Variants in TNIP3 observed in about 807,000 individuals in gnomAD.
The protein encoded by TNIP3 is TNFAIP3 interacting protein 3, also known as TNFAIP3-interacting protein 3.
Under a neutral mutation model 54.1 loss-of-function variants are expected in TNIP3, and 34 were observed. That is an observed-to-expected ratio of 0.63 (90% CI 0.48 to 0.84). The LOEUF is 0.84. Ranked by LOEUF, TNIP3 falls within the 40% of genes least tolerant of loss-of-function variation. The pLI is 0.00. For synonymous variants in TNIP3, 134 were observed against 136.8 expected, an observed-to-expected ratio of 0.98 and a Z score of 0.14; for missense variants, 366 against 387.6, an observed-to-expected ratio of 0.94 and a Z score of 0.47.
chr4:121,155,002 TC>T (rs1730000315), intron 4 of TNIP3, among the ~76,000 whole-genome samples: 1 of 151,140 alleles, frequency 6.6e-6, no homozygotes, highest in Non-Finnish European at 1.5e-5. Flanking sequence ...TCACACTGTC[TC>T]CCGGCCTGGA....
chr4:121,202,655 G>T (rs1383141720), intron 2 of TNIP3, among the ~76,000 whole-genome samples: 1 of 151,362 alleles, frequency 6.6e-6, no homozygotes, highest in African/African-American at 2.4e-5. Context: ...CCCAGAGTGG[G>T]AGAAAATCTT....
intron 2 of TNIP3, among the ~76,000 whole-genome samples, chr4:121,204,631 T>G (rs1243197165): frequency 1.3e-5 from 2 of 152,186 alleles, no homozygotes; most frequent in Non-Finnish European, 2.9e-5. Flanking sequence ...TACTTTTTCT[T>G]CTTGATGTCA....
chr4:121,208,374 G>A (rs143333925), intron 2 of TNIP3, among the ~76,000 whole-genome samples: 1 of 152,218 alleles, frequency 6.6e-6, no homozygotes, highest in East Asian at 1.9e-4. Context: ...GTCGGCTGGA[G>A]CCACCCAGAT....
intron 2 of TNIP3, among the ~76,000 whole-genome samples, 153 bp downstream of exon 2, chr4:121,160,983 G>T (rs1730412902): frequency 6.6e-6 from 1 of 152,188 alleles, no homozygotes; most frequent in Non-Finnish European, 1.5e-5. Context: ...GAATAAGAAA[G>T]AAGGCGTTTG....
chr4:121,214,629 C>A (rs979531918), intron 2 of TNIP3, among the ~76,000 whole-genome samples: 1 of 152,058 alleles, frequency 6.6e-6, no homozygotes, highest in Non-Finnish European at 1.5e-5. Flanking sequence ...CTTGTCTACA[C>A]GGTGAAATTT....
intron 6 of TNIP3, among the ~76,000 whole-genome samples, chr4:121,149,639 G>A (rs1367512299): frequency 6.6e-6 from 1 of 152,166 alleles, no homozygotes; most frequent in Non-Finnish European, 1.5e-5. Flanking sequence ...TGTGGTGCAT[G>A]CCTGTAATCC....
chr4:121,151,714 A>G (rs1729771707), intron 5 of TNIP3, among the ~76,000 whole-genome samples: 2 of 152,130 alleles, frequency 1.3e-5, no homozygotes, highest in Non-Finnish European at 2.9e-5. Flanking sequence ...CTACTTTTGT[A>G]GATCTTGTTA....
intron 5 of TNIP3, 26 bp from the exon 6 acceptor site, chr4:121,150,245 T>C: frequency 7.2e-7 from 1 of 1,393,830 alleles, no homozygotes. Context: ...AGTACACTGT[T>C]GATCTAAGAT....
chr4:121,196,806 A>G (rs1472857428), intron 2 of TNIP3, among the ~76,000 whole-genome samples: 1 of 152,082 alleles, frequency 6.6e-6, no homozygotes, highest in African/African-American at 2.4e-5. Flanking sequence ...AAATAAAATT[A>G]TGATAGATTT....
At chr4:121,206,406 T>C (rs1162883237) in intron 2 of TNIP3, among the ~76,000 whole-genome samples, 5 of 152,220 alleles carry the variant, frequency 3.3e-5, no homozygotes, top group Admixed American at 1.3e-4. Flanking sequence ...AATTTGATGA[T>C]AATCAACTTG....
chr4:121,164,623 G>T (rs1407085503), upstream of TNIP3, among the ~76,000 whole-genome samples: 1 of 152,170 alleles, frequency 6.6e-6, no homozygotes, highest in Admixed American at 6.5e-5. Flanking sequence ...CCCTAAAGGC[G>T]AGATTTTCTG....
At chr4:121,134,691 A>C (rs1203012665) in intron 10 of TNIP3, among the ~76,000 whole-genome samples, 1 of 152,182 alleles carries the variant, frequency 6.6e-6, no homozygotes, top group Non-Finnish European at 1.5e-5. Flanking sequence ...GCAAAGCTGG[A>C]AATTAGTTGA....
At chr4:121,184,500 T>G (rs2136942) in intron 2 of TNIP3, among the ~76,000 whole-genome samples, 50,680 of 152,050 alleles carry the variant, frequency 0.33, 9,950 homozygotes, top group African/African-American at 0.55. Flanking sequence ...TGAGAATGAA[T>G]CATATGGGTA....
chr4:121,150,069 T>C, intron 6 of TNIP3, 34 bp downstream of exon 6: 1 of 1,406,668 alleles, frequency 7.1e-7, no homozygotes, highest in South Asian at 1.2e-5. Context: ...GGCAGTATGT[T>C]CTCCACAGGA....
chr4:121,196,869 T>G (rs1317040348), intron 2 of TNIP3, among the ~76,000 whole-genome samples: 1 of 152,056 alleles, frequency 6.6e-6, no homozygotes, highest in Non-Finnish European at 1.5e-5. Flanking sequence ...AGATTAGAGA[T>G]ACATACTGTT....
At chr4:121,143,946 C>CA (rs530367021) in intron 7 of TNIP3, among the ~76,000 whole-genome samples, 30 of 152,042 alleles carry the variant, frequency 2.0e-4, no homozygotes, top group Non-Finnish European at 3.4e-4. Flanking sequence ...ACAAATAGCA[C>CA]AAAAATGCAG....
At chr4:121,163,991 A>G in intron 1 of TNIP3, 69 bp downstream of exon 1, 1 of 1,563,050 alleles carries the variant, frequency 6.4e-7, no homozygotes, top group Non-Finnish European at 8.8e-7. Flanking sequence ...TAATAAGTGC[A>G]CAATTAACCA....
At chr4:121,140,289 G>A (rs11729830) in intron 9 of TNIP3, among the ~76,000 whole-genome samples, 70,727 of 151,714 alleles carry the variant, frequency 0.47, 18,545 homozygotes, top group East Asian at 0.76. Context: ...AGCCAAGATC[G>A]CACCACTGCA....
rs571765579 is a variant in TNIP3 at position 121,171,978 on chromosome 4, C to A, written c.190-7832G>T. The stretch of plus-strand genomic sequence containing the variant: ...GAACTTCTGACCTCAAATGATCCAC[C>A]TGCCTCAGCCTCCCAAAGTTCTGGG... On this transcript the variant is annotated intron_variant, in intron 3 of 12. Coordinates refer to the TNIP3 transcript ENST00000507879. 2.0e-5 allele frequency among the ~76,000 whole-genome samples: 3 copies of A among 152,298 alleles called. No homozygotes were observed. The South Asian group carries it at 6.2e-4, about 32-fold the overall frequency.
Sources: gnomAD v4.1 joint callset for allele counts (sites outside exome capture counted in the v4.1 genomes callset) on GRCh38, gnomAD v4.1.1 for gene constraint, MANE v1.5 for transcripts, NCBI Gene and HGNC (gene_info 2026-07-23, HGNC 2026-07-21) for gene names.